The following EGLN3 variants were observed in gnomAD, a reference collection of about 807,000 sequenced individuals.
The protein encoded by EGLN3 is egl-9 family hypoxia inducible factor 3.
Under a neutral mutation model 26.0 loss-of-function variants are expected in EGLN3, and 15 were observed. The ratio of observed to expected loss-of-function variants is 0.58; its 90% CI spans 0.39 to 0.89. EGLN3 has a LOEUF of 0.89. EGLN3 is among the 40% of genes least tolerant of loss of function. The pLI, the probability that EGLN3 is intolerant of heterozygous loss-of-function variation, is 0.00. For synonymous variants in EGLN3, 147 were observed against 127.2 expected, an observed-to-expected ratio of 1.16 and a Z score of -1.05; for missense variants, 238 against 311.6, an observed-to-expected ratio of 0.76 and a Z score of 1.78.
chr14:33,924,746 G>A lies in EGLN3; in HGVS notation c.*1145C>T, dbSNP rs2064348689. On this transcript the variant is annotated 3_prime_UTR_variant, in exon 5 of 5. Transcript: ENST00000250457. ...TACTGCAGGAGTAGAAGCTTCCACAGTTCTAGCAAATTCCATGATTCTGGT... is the reference window on the plus strand; with the variant it reads ...TACTGCAGGAGTAGAAGCTTCCACAATTCTAGCAAATTCCATGATTCTGGT... The A allele has an allele frequency of 6.6e-6, 1 of 152,088 alleles. No individual in the cohort carries two copies. Among genetic ancestry groups the A allele is most frequent in the African/African-American group, 2.4e-5 (1 of 41,428 alleles). 9.4% of individuals were successfully genotyped at this position (152,088 alleles called of 1,614,324 possible). A position where few individuals can be genotyped will look rare whatever the true frequency, so the allele number is the denominator to read the frequency against.
chr14:33,947,888 A>G (rs2064529127), intron 1 of EGLN3, among the ~76,000 whole-genome samples: 1 of 152,136 alleles, frequency 6.6e-6, no homozygotes, highest in African/African-American at 2.4e-5. Context: ...CGTCTCTACT[A>G]AAAATACAAA....
rs1259823592 is a variant in EGLN3 at position 33,931,220 on chromosome 14, G to A, written c.358-5C>T. 3.7e-6 allele frequency: 6 copies of A among 1,614,118 alleles called. No homozygotes were observed. The East Asian group carries it at 1.3e-4, about 36-fold the overall frequency. ...CGGATAGCAAGCCACCATTGCCTAT[G>A]GAGAAATCCCAAGAAAGCTGGTTAA... is the stretch of plus-strand genomic sequence containing the variant. On this transcript the variant is annotated splice_region_variant and splice_polypyrimidine_tract_variant and intron_variant, in intron 1 of 4. Transcript: ENST00000250457.
intron 1 of EGLN3, among the ~76,000 whole-genome samples, chr14:33,939,892 G>A (rs2064470851): frequency 6.6e-6 from 1 of 152,134 alleles, no homozygotes. Flanking sequence ...TCTGACATTA[G>A]CAAATTCACC....
chr14:33,944,765 G>A (rs1680690), intron 1 of EGLN3, among the ~76,000 whole-genome samples: 84,033 of 151,996 alleles, frequency 0.55, 23,381 homozygotes, highest in Non-Finnish European at 0.58. Context: ...AGGTGGTTTT[G>A]TAATCACTGG....
chr14:33,934,283 A>C (rs2064424615), intron 1 of EGLN3, among the ~76,000 whole-genome samples: 1 of 152,142 alleles, frequency 6.6e-6, no homozygotes, highest in Non-Finnish European at 1.5e-5. Flanking sequence ...CTAGACCAGA[A>C]TATGTGCTCT....
intron 1 of EGLN3, among the ~76,000 whole-genome samples, chr14:33,931,733 A>G (rs1161613171): frequency 6.6e-6 from 1 of 152,246 alleles, no homozygotes; most frequent in Non-Finnish European, 1.5e-5. Flanking sequence ...GGCTTACTCA[A>G]TAAAATGCTC....
In EGLN3 at chr14:33,950,636, C is replaced by T. The variant is rs2064553049; in HGVS notation, c.117G>A (p.Val39=). The stretch of plus-strand genomic sequence containing the variant: ...TGACGCGCTCCAGGACGCAGTCGCC[C>T]ACCACCTCGCCCAGGAAGTTGTCCA... ...CYLDNFLGEV[V]GDCVLERVKQ... is the part of the protein sequence containing the mutation. The change falls in exon 1 of 5, where the codon GTG becomes GTA. Residue 39 remains valine (V), a synonymous_variant. Coordinates refer to ENST00000250457, the MANE Select transcript of EGLN3 (RefSeq NM_022073.4). 1.2e-6 allele frequency: 2 copies of T among 1,613,858 alleles called. No individual in the cohort carries two copies. Among genetic ancestry groups the T allele is most frequent in the Non-Finnish European group, 1.7e-6 (2 of 1,179,974 alleles).
At chr14:33,935,336 T>C (rs1294716070) in intron 1 of EGLN3, among the ~76,000 whole-genome samples, 1 of 152,190 alleles carries the variant, frequency 6.6e-6, no homozygotes, top group Non-Finnish European at 1.5e-5. Context: ...AAGTGTTTTG[T>C]AGTTTTGAAC....
chr14:33,932,340 C>G (rs1594376965), intron 1 of EGLN3, among the ~76,000 whole-genome samples: 1 of 152,270 alleles, frequency 6.6e-6, no homozygotes, highest in African/African-American at 2.4e-5. Flanking sequence ...CTATTTCTGT[C>G]ATTTTAAAAG....
At chr14:33,943,901 T>C (rs1274035646) in intron 1 of EGLN3, among the ~76,000 whole-genome samples, 1 of 152,166 alleles carries the variant, frequency 6.6e-6, no homozygotes. Context: ...TTGCTTGAGC[T>C]GAAGCAGAAA....
chr14:33,930,950 G>T lies in EGLN3; in HGVS notation c.477+146C>A, dbSNP rs878899703. The T allele has an allele frequency of 7.8e-5, 96 of 1,227,706 alleles. 2 individuals are homozygous for T. In the South Asian group the frequency reaches 1.1e-3, roughly 14 times the overall value. The allele number at this position is 1,227,706 out of a possible 1,614,324, so 76.1% of individuals were successfully genotyped here. ...CAACTTTAGGACTAATTCCATTGTC[G>T]CAGGAGGTTATGAAATGGAAATAGA... is the stretch of plus-strand genomic sequence containing the variant. On this transcript the variant is annotated intron_variant, in intron 2 of 4. Coordinates refer to ENST00000250457, the MANE Select transcript of EGLN3 (RefSeq NM_022073.4).
intron 1 of EGLN3, among the ~76,000 whole-genome samples, chr14:33,941,559 C>T (rs995034564): frequency 2.0e-5 from 3 of 150,166 alleles, no homozygotes; most frequent in Non-Finnish European, 4.4e-5. Flanking sequence ...CTATCCCCCC[C>T]AAAAAAAATT....
chr14:33,935,452 C>T (rs1275619697), intron 1 of EGLN3, among the ~76,000 whole-genome samples: 2 of 152,132 alleles, frequency 1.3e-5, no homozygotes, highest in African/African-American at 4.8e-5. Flanking sequence ...ATGCCACCTA[C>T]ACTGAGGGGA....
At chr14:33,943,457 A>G (rs1400195488) in intron 1 of EGLN3, among the ~76,000 whole-genome samples, 2 of 152,266 alleles carry the variant, frequency 1.3e-5, no homozygotes, top group Non-Finnish European at 2.9e-5. Flanking sequence ...ATATCACTTA[A>G]CAACTACAAA....
At chr14:33,941,614 C>G (rs74042898) in intron 1 of EGLN3, among the ~76,000 whole-genome samples, 62 of 151,406 alleles carry the variant, frequency 4.1e-4, no homozygotes, top group African/African-American at 1.4e-3. Context: ...AATCAAAGTT[C>G]CTTTTGAAGA....
At chr14:33,931,262 A>C in intron 1 of EGLN3, 47 bp from the exon 2 acceptor site, 1 of 1,612,976 alleles carries the variant, frequency 6.2e-7, no homozygotes, top group South Asian at 1.1e-5. Context: ...TGAGACAGAC[A>C]ATCTTCTCCT....
chr14:33,942,515 A>T (rs1239897024), intron 1 of EGLN3, among the ~76,000 whole-genome samples: 1 of 152,170 alleles, frequency 6.6e-6, no homozygotes, highest in African/African-American at 2.4e-5. Context: ...CCCCATCTCT[A>T]TAAAAATAAA....
At chr14:33,929,623 A>T (rs1294325227) in intron 2 of EGLN3, among the ~76,000 whole-genome samples, 3 of 152,180 alleles carry the variant, frequency 2.0e-5, no homozygotes, top group Admixed American at 6.5e-5. Flanking sequence ...AAGTGCTGGG[A>T]TTATAGGCAT....
intron 1 of EGLN3, among the ~76,000 whole-genome samples, chr14:33,943,736 G>A (rs1594384085): frequency 6.6e-6 from 1 of 152,194 alleles, no homozygotes; most frequent in Non-Finnish European, 1.5e-5. Context: ...TTAGAGGTTG[G>A]GTAGAACGCC....
Sources: allele counts gnomAD v4.1 joint callset (sites outside exome capture counted in the v4.1 genomes callset), GRCh38; gene constraint gnomAD v4.1.1; transcripts MANE v1.5; gene names NCBI Gene and HGNC (gene_info 2026-07-23, HGNC 2026-07-21).